SPG11: variants seen among roughly 807,000 people sequenced by gnomAD.
SPG11 encodes SPG11 vesicle trafficking associated, spatacsin.
In SPG11, 222 loss-of-function variants were observed where a neutral mutation model predicts 274.0. That is an observed-to-expected ratio of 0.81 (90% CI 0.73 to 0.91). The LOEUF (loss-of-function observed/expected upper bound fraction) is 0.91. Ranked by LOEUF, SPG11 falls within the 40% of genes least tolerant of loss-of-function variation. The probability of loss-of-function intolerance (pLI) is 0.00; values close to 1 mark genes in which losing one functional copy is unlikely to be tolerated. For missense variants in SPG11, 3,114 were observed against 2,872.7 expected (o/e 1.08, Z -1.92); for synonymous variants, 1,144 against 1,039.7 (o/e 1.10, Z -1.93).
chr15:44,595,194 G>C, intron 26 of SPG11, 65 bp downstream of exon 26: 1 of 1,501,398 alleles, frequency 6.7e-7, no homozygotes, highest in African/African-American at 1.4e-5. Context: ...ATAAGAAAAA[G>C]CCAAGAAGGG....
At chr15:44,602,762 A>C (rs1300133796) in intron 20 of SPG11, among the ~76,000 whole-genome samples, 1 of 152,066 alleles carries the variant, frequency 6.6e-6, no homozygotes, top group East Asian at 1.9e-4. Context: ...GATTATAGGC[A>C]TGAGTCACCA....
At chr15:44,572,316 T>C (rs2082440518) in intron 33 of SPG11, among the ~76,000 whole-genome samples, 1 of 152,258 alleles carries the variant, frequency 6.6e-6, no homozygotes, top group Non-Finnish European at 1.5e-5. Context: ...TAAACAGGCT[T>C]TGAATCCATG....
chr15:44,646,797 G>T (rs535497267), intron 7 of SPG11, among the ~76,000 whole-genome samples: 3 of 152,102 alleles, frequency 2.0e-5, no homozygotes, highest in Non-Finnish European at 4.4e-5. Context: ...ACAAAAAGAA[G>T]AGAACAACAG....
chr15:44,594,552 C>T (rs1206087320), intron 26 of SPG11, among the ~76,000 whole-genome samples: 1 of 149,974 alleles, frequency 6.7e-6, no homozygotes, highest in African/African-American at 2.5e-5. Flanking sequence ...CAAGACTAGC[C>T]TAGCCTGGTC....
Position 44,565,880 on chromosome 15 carries a change from T to TAC in SPG11, c.6971_6972dup (p.Ile2325ValfsTer32), listed in dbSNP as rs780301639. 2 of 1,614,022 alleles carry TAC rather than the reference T, an allele frequency of 1.2e-6. No individual in the cohort carries two copies. Among genetic ancestry groups the TAC allele is most frequent in the Non-Finnish European group, 8.5e-7 (1 of 1,180,030 alleles). Reference sequence around the variant, plus strand: ...TGGTAGAACCGAGGTAGGGCCAGAATACAGTCCATCAGCTTGTGGCGGCCC... The same window carrying TAC: ...TGGTAGAACCGAGGTAGGGCCAGAATACACAGTCCATCAGCTTGTGGCGGCCC... On this transcript the variant is annotated frameshift_variant, in exon 38 of 40. Transcript: ENST00000261866. LOFTEE classifies it high-confidence loss of function.
chr15:44,595,815 A>C (rs934100517), intron 25 of SPG11, among the ~76,000 whole-genome samples: 1 of 152,242 alleles, frequency 6.6e-6, no homozygotes, highest in African/African-American at 2.4e-5. Context: ...AGTGGTGGTC[A>C]GTCCACCAAA....
intron 20 of SPG11, 118 bp from the exon 21 acceptor site, chr15:44,600,750 T>A: frequency 9.0e-7 from 1 of 1,105,176 alleles, no homozygotes; most frequent in Non-Finnish European, 1.3e-6. Flanking sequence ...CATCACTACG[T>A]ATCACTTTGA....
intron 30 of SPG11, among the ~76,000 whole-genome samples, chr15:44,583,438 A>C (rs1246549985): frequency 1.3e-5 from 2 of 152,188 alleles, no homozygotes; most frequent in Non-Finnish European, 2.9e-5. Flanking sequence ...AGCCTGGGCG[A>C]CAAGAATGAA....
chr15:44,592,198 G>A (rs778651758), intron 27 of SPG11, 133 bp downstream of exon 27: 19 of 688,750 alleles, frequency 2.8e-5, no homozygotes, highest in Admixed American at 2.6e-4. Context: ...GTTCAAGGCT[G>A]TAGTGAGCTG....
intron 30 of SPG11, among the ~76,000 whole-genome samples, chr15:44,575,813 A>G (rs1032958594): frequency 1.3e-5 from 2 of 152,162 alleles, no homozygotes; most frequent in East Asian, 1.9e-4. Context: ...GCTTTAATTT[A>G]TAGTAAAATT....
chr15:44,588,300 A>C (rs1311450645), intron 28 of SPG11, among the ~76,000 whole-genome samples: 1 of 151,850 alleles, frequency 6.6e-6, no homozygotes, highest in Non-Finnish European at 1.5e-5. Context: ...TCTGCAAAAA[A>C]AAAAACAAAC....
At chr15:44,633,872 CTT>C (rs1251317371) in intron 7 of SPG11, among the ~76,000 whole-genome samples, 1 of 151,430 alleles carries the variant, frequency 6.6e-6, no homozygotes, top group Non-Finnish European at 1.5e-5. Context: ...GAGTTTTGCT[CTT>C]GTTGCCCAGG....
chr15:44,663,301 A>AG, intron 1 of SPG11, 90 bp downstream of exon 1: 1 of 1,515,076 alleles, frequency 6.6e-7, no homozygotes, highest in South Asian at 1.2e-5. Context: ...CTATGGCTGC[A>AG]GGGAGGCCTC....
rs2082223455 is a variant in SPG11, at chr15:44,562,998, G to T, written c.*123C>A. On this transcript the variant is annotated 3_prime_UTR_variant, in exon 40 of 40. Transcript: ENST00000261866. ...TTACTTGCTACCTACTACCCACAAA[G>T]GACTGATATGGTACAGTACCGGGAT... The T allele has an allele frequency of 3.2e-6, 3 of 933,946 alleles. No individual in the cohort carries two copies. The highest frequency in any genetic ancestry group is 1.6e-5 in the African/African-American group (1 of 60,816). 57.9% of individuals were successfully genotyped at this position (933,946 alleles called of 1,614,324 possible).
chr15:44,586,252 CA>C (rs1460755528), intron 28 of SPG11, among the ~76,000 whole-genome samples: 1 of 152,030 alleles, frequency 6.6e-6, no homozygotes, highest in East Asian at 1.9e-4. Context: ...GGTTGACTAG[CA>C]GAGGAAGCCA....
intron 32 of SPG11, chr15:44,573,207 T>C (rs929694032): frequency 6.0e-6 from 3 of 498,914 alleles, no homozygotes; most frequent in African/African-American, 3.9e-5. Context: ...GGATGGTCTC[T>C]ATCTCCTGAC....
chr15:44,628,815 T>G lies in SPG11; in HGVS notation c.1921A>C (p.Asn641His), dbSNP rs978836956. Residue 641 changes from asparagine to histidine, a missense_variant, in exon 10 of 40, where the codon AAC (asparagine) becomes CAC (histidine). Physicochemically the swap from Asn to His is moderately conservative, Grantham distance 68. Transcript: ENST00000261866. ...TCATTAATGTAGCTAGTCAAAATGTTCACTCCTTTTTGCAGATGTTCATCT... is the reference window on the plus strand; with the variant it reads ...TCATTAATGTAGCTAGTCAAAATGTGCACTCCTTTTTGCAGATGTTCATCT... ...ELDEHLQKGVNILTSYINELR... is the reference protein window; with the variant it reads ...ELDEHLQKGVHILTSYINELR... 1 of 1,613,600 alleles carries G rather than the reference T, an allele frequency of 6.2e-7. No individual in the cohort carries two copies. The highest frequency in any genetic ancestry group is 2.2e-5 in the East Asian group (1 of 44,838).
At chr15:44,646,334 C>T (rs372753119) in intron 7 of SPG11, among the ~76,000 whole-genome samples, 68 of 152,288 alleles carry the variant, frequency 4.5e-4, no homozygotes, top group African/African-American at 1.6e-3. Flanking sequence ...AATTGACTCA[C>T]AGTTCTGCAT....
chr15:44,623,151 G>A (rs971522403), intron 11 of SPG11, among the ~76,000 whole-genome samples: 27 of 151,970 alleles, frequency 1.8e-4, no homozygotes, highest in Non-Finnish European at 7.4e-5. Context: ...ATTTCTTCCT[G>A]TTGCCCAGGC....
Sources: gnomAD v4.1 joint callset for allele counts (sites outside exome capture counted in the v4.1 genomes callset) on GRCh38, gnomAD v4.1.1 for gene constraint, MANE v1.5 for transcripts, NCBI Gene and HGNC (gene_info 2026-07-23, HGNC 2026-07-21) for gene names.